The following C6orf132 variants were observed in gnomAD, a reference collection of about 807,000 sequenced individuals.
The protein encoded by C6orf132 is uncharacterized protein C6orf132.
In C6orf132, 43 loss-of-function variants were observed where a neutral mutation model predicts 65.3. The ratio of observed to expected loss-of-function variants is 0.66; its 90% CI spans 0.52 to 0.85. The LOEUF (loss-of-function observed/expected upper bound fraction) is 0.85. C6orf132 is among the 40% of genes least tolerant of loss of function. The probability of loss-of-function intolerance (pLI) is 0.00; values close to 1 mark genes in which losing one functional copy is unlikely to be tolerated. For synonymous variants in C6orf132, 631 were observed against 654.1 expected, an observed-to-expected ratio of 0.96 and a Z score of 0.54; for missense variants, 1,488 against 1,548.8, an observed-to-expected ratio of 0.96 and a Z score of 0.66.
At chr6:42,134,939 C>A (rs1256060294) in intron 1 of C6orf132, among the ~76,000 whole-genome samples, 1 of 151,382 alleles carries the variant, frequency 6.6e-6, no homozygotes, top group Non-Finnish European at 1.5e-5. Flanking sequence ...AGGCAGAGGT[C>A]GTAGTGAGCT....
intron 1 of C6orf132, among the ~76,000 whole-genome samples, chr6:42,138,688 GC>G (rs1582287823): frequency 6.6e-6 from 1 of 152,228 alleles, no homozygotes; most frequent in Non-Finnish European, 1.5e-5. Context: ...GTGTCCCATT[GC>G]TGGTGGCGGG....
Position 42,142,490 on chromosome 6 carries a change from C to T in C6orf132, c.-46G>A, listed in dbSNP as rs3749918. 1.9e-6 allele frequency: 3 copies of T among 1,538,946 alleles called. No homozygotes were observed. Among genetic ancestry groups the T allele is most frequent in the Non-Finnish European group, 2.6e-6 (3 of 1,141,330 alleles). ...CGCCAGGGAAGGACCTTCCCTCCCT[C>T]GCCCTGCCCTGCCCCGGACTGAACT... On this transcript the variant is annotated 5_prime_UTR_variant, in exon 1 of 5. Transcript: ENST00000341865.
chr6:42,113,477 C>A (rs1372554563), intron 2 of C6orf132, among the ~76,000 whole-genome samples: 1 of 152,200 alleles, frequency 6.6e-6, no homozygotes, highest in Non-Finnish European at 1.5e-5. Context: ...AGGCTTTCCA[C>A]CTTACCTTTT....
At position 42,142,546 on chromosome 6, in the gene C6orf132, G is replaced by T; in HGVS notation, c.-102C>A. 9.5e-7 allele frequency: 1 copy of T among 1,047,386 alleles called. No individual in the cohort carries two copies. Among genetic ancestry groups the T allele is most frequent in the Non-Finnish European group, 1.2e-6 (1 of 811,150 alleles). 64.9% of individuals were successfully genotyped at this position (1,047,386 alleles called of 1,614,324 possible). A position where few individuals can be genotyped will look rare whatever the true frequency, so the allele number is the denominator to read the frequency against. On this transcript the variant is annotated 5_prime_UTR_variant, in exon 1 of 5. Transcript: ENST00000341865. ...CGGTCTCCCCAGGGGACTCTACCAG[G>T]CCATGTCCCCCGCCGTCCTCCCCGC...
At chr6:42,110,976 G>A (rs1582271676) in intron 2 of C6orf132, among the ~76,000 whole-genome samples, 1 of 152,246 alleles carries the variant, frequency 6.6e-6, no homozygotes, top group African/African-American at 2.4e-5. Flanking sequence ...ATTCCATCTC[G>A]ATGAAAAAGA....
intron 2 of C6orf132, among the ~76,000 whole-genome samples, chr6:42,127,927 C>G (rs1169311490): frequency 7.0e-6 from 1 of 142,796 alleles, no homozygotes; most frequent in Non-Finnish European, 1.5e-5. Flanking sequence ...CAATGACACT[C>G]TTTTTTTTTT....
intron 1 of C6orf132, among the ~76,000 whole-genome samples, chr6:42,135,870 C>A (rs958066819): frequency 6.6e-6 from 1 of 152,158 alleles, no homozygotes; most frequent in Non-Finnish European, 1.5e-5. Context: ...GCTGGTGAGT[C>A]AAAGGGGCCG....
chr6:42,110,056 T>C (rs1424782783), intron 3 of C6orf132, among the ~76,000 whole-genome samples, 160 bp downstream of exon 3: 1 of 152,172 alleles, frequency 6.6e-6, no homozygotes, highest in Non-Finnish European at 1.5e-5. Context: ...CCTAGCCCAC[T>C]GCGGCCAGTA....
intron 2 of C6orf132, 74 bp from the exon 3 acceptor site, chr6:42,110,365 G>A: frequency 4.2e-6 from 5 of 1,202,366 alleles, no homozygotes; most frequent in Non-Finnish European, 5.8e-6. Context: ...GCTCTTTGAG[G>A]CCATTTTACT....
chr6:42,130,980 G>A (rs1323738019), intron 1 of C6orf132, among the ~76,000 whole-genome samples: 3 of 152,152 alleles, frequency 2.0e-5, no homozygotes, highest in Non-Finnish European at 4.4e-5. Context: ...GTGCTTCCCA[G>A]GTTCAAGCAA....
At chr6:42,125,169 TG>T (rs1420116258) in intron 2 of C6orf132, among the ~76,000 whole-genome samples, 1 of 152,198 alleles carries the variant, frequency 6.6e-6, no homozygotes, top group East Asian at 1.9e-4. Context: ...CGCCTGGTCC[TG>T]GAAGGAGAAG....
chr6:42,128,583 G>C lies in C6orf132; in HGVS notation c.252+89C>G, dbSNP rs768771455. ...CATCAGGAAGGAAGGGGTGGACAGA[G>C]GGTGCAGCTGATGTCCACTCGGGCT... On this transcript the variant is annotated intron_variant, in intron 2 of 4. Coordinates refer to ENST00000341865, the MANE Select transcript of C6orf132 (RefSeq NM_001164446.3). 6.2e-4 allele frequency: 580 copies of C among 942,890 alleles called. 3 individuals are homozygous for C. The Middle Eastern group carries it at 6.2e-3, about 10-fold the overall frequency. The allele number at this position is 942,890 out of a possible 1,614,324, so 58.4% of individuals were successfully genotyped here. A position where few individuals can be genotyped will look rare whatever the true frequency, so the allele number is the denominator to read the frequency against.
Position 42,105,938 on chromosome 6 carries a change from C to T in C6orf132, c.1974G>A (p.Trp658Ter). The T allele has an allele frequency of 1.3e-6, 2 of 1,536,882 alleles. No homozygotes were observed. The highest frequency in any genetic ancestry group is 1.7e-6 in the Non-Finnish European group (2 of 1,146,828). ...GTGTGGCCTTGGGTGGTGTGGCTGG[C>T]CAAAGTGTAGCCTTGGGTGGTATGG... The part of the protein sequence containing the change: ...EPAIPPKATL[W>*]PATPPKATLG... Residue 658 changes from tryptophan to a stop codon, truncating the protein, a stop_gained, in exon 4 of 5, where the codon TGG (tryptophan) becomes TGA (stop). Transcript: ENST00000341865. LOFTEE classifies it high-confidence loss of function.
In C6orf132 at chr6:42,103,790, A is replaced by G; in HGVS notation, c.3538T>C (p.Ser1180Pro). The change falls in exon 5 of 5, where the codon TCA becomes CCA. Residue 1180 changes from serine to proline, a missense_variant. By Grantham distance (74) the Ser-to-Pro change is moderately conservative (BLOSUM62 -1). Coordinates refer to ENST00000341865, the MANE Select transcript of C6orf132 (RefSeq NM_001164446.3). ...GAGGTGGCTTTCCGATGGGCCCCTG[A>G]GCAGACATAGGAGATGGGATGGCGG... ...GTRHPISYVC[S>P]GAHRKATS The G allele has an allele frequency of 6.8e-7, 1 of 1,467,300 alleles. No individual in the cohort carries two copies. 90.9% of individuals were successfully genotyped at this position (1,467,300 alleles called of 1,614,324 possible).
intron 2 of C6orf132, among the ~76,000 whole-genome samples, chr6:42,122,555 T>G (rs548706148): frequency 6.6e-6 from 1 of 151,930 alleles, no homozygotes; most frequent in African/African-American, 2.4e-5. Context: ...GGAGCTCCAT[T>G]TGCACTCTCG....
chr6:42,133,198 G>C (rs1051805830), intron 1 of C6orf132, among the ~76,000 whole-genome samples: 1 of 152,224 alleles, frequency 6.6e-6, no homozygotes, highest in Non-Finnish European at 1.5e-5. Flanking sequence ...GGAGCTAAAG[G>C]AGGGCTAGGA....
chr6:42,106,717 G>C lies in C6orf132; in HGVS notation c.1195C>G (p.Pro399Ala). The change falls in exon 4 of 5, where the codon CCT becomes GCT. Residue 399 changes from proline to alanine, a missense_variant. By Grantham distance (27) the Pro-to-Ala change is conservative. Coordinates refer to ENST00000341865, the MANE Select transcript of C6orf132 (RefSeq NM_001164446.3). ...GCTGGGGGAGGGAGGGGGGGTGCAGGAGGGGGCAGGGGAGGGGCTGGAGGC... is the reference window on the plus strand; with the variant it reads ...GCTGGGGGAGGGAGGGGGGGTGCAGCAGGGGGCAGGGGAGGGGCTGGAGGC... ...TPPPAPPLPP[P>A]APPLPPPAPP... The C allele has an allele frequency of 5.2e-6, 7 of 1,337,276 alleles. No individual in the cohort carries two copies. The highest frequency in any genetic ancestry group is 7.1e-6 in the Non-Finnish European group (7 of 981,770). 82.8% of individuals were successfully genotyped at this position (1,337,276 alleles called of 1,614,324 possible).
chr6:42,139,845 AC>A (rs1767006024), intron 1 of C6orf132, among the ~76,000 whole-genome samples: 1 of 152,230 alleles, frequency 6.6e-6, no homozygotes, highest in Admixed American at 6.5e-5. Flanking sequence ...TCAAAGCACT[AC>A]CATAAATACC....
intron 2 of C6orf132, among the ~76,000 whole-genome samples, chr6:42,114,616 A>C (rs1007052269): frequency 1.3e-5 from 2 of 152,334 alleles, no homozygotes; most frequent in East Asian, 3.9e-4. Flanking sequence ...TCAGTGTGCA[A>C]ATGCACAGGT....
Sources: gnomAD v4.1 joint callset for allele counts (sites outside exome capture counted in the v4.1 genomes callset) on GRCh38, gnomAD v4.1.1 for gene constraint, MANE v1.5 for transcripts, NCBI Gene and HGNC (gene_info 2026-07-23, HGNC 2026-07-21) for gene names.